Variants in ANO6 observed in about 807,000 individuals in gnomAD.
ANO6 encodes anoctamin-6.
In ANO6, 106 loss-of-function variants were observed where a neutral mutation model predicts 117.5. The observed-to-expected ratio is 0.90, with a 90% CI of 0.77 to 1.06. The LOEUF is 1.06. Among genes scored for constraint, ANO6 ranks in the 50% least tolerant of loss-of-function variants. The pLI, the probability that ANO6 is intolerant of heterozygous loss-of-function variation, is 0.00. For synonymous variants in ANO6, 367 were observed against 385.1 expected, an observed-to-expected ratio of 0.95 and a Z score of 0.55; for missense variants, 955 against 1,121.1, an observed-to-expected ratio of 0.85 and a Z score of 2.12.
At chr12:45,275,396 G>T (rs1192386763) in intron 1 of ANO6, among the ~76,000 whole-genome samples, 1 of 152,018 alleles carries the variant, frequency 6.6e-6, no homozygotes, top group African/African-American at 2.4e-5. Context: ...TTTTAGTAGA[G>T]ATGGGGTTTC....
intron 19 of ANO6, among the ~76,000 whole-genome samples, chr12:45,437,493 C>T (rs1221779299): frequency 6.6e-6 from 1 of 152,062 alleles, no homozygotes; most frequent in African/African-American, 2.4e-5. Flanking sequence ...ATTTCTAATA[C>T]AGTAATTTCT....
chr12:45,262,877 A>C (rs1266066784), intron 1 of ANO6, among the ~76,000 whole-genome samples: 1 of 152,246 alleles, frequency 6.6e-6, no homozygotes, highest in African/African-American at 2.4e-5. Context: ...ATTATAAACT[A>C]TACTTTGTGG....
In ANO6 at chr12:45,421,165, C is replaced by A. The variant is rs780602170; in HGVS notation, c.2312C>A (p.Thr771Asn). The change falls in exon 18 of 20, where the codon ACC becomes AAC. Residue 771 changes from threonine to asparagine, a missense_variant. Physicochemically the swap from Thr to Asn is moderately conservative, Grantham distance 65. Transcript: ENST00000320560. ...VPPYGDHTSY[T>N]MEGYINNTLS... ...CCCTACGGGGACCACACTTCCTACA[C>A]CATGGAAGGGTACATCAACAACACT... 6.2e-7 allele frequency: 1 copy of A among 1,614,128 alleles called. No homozygotes were observed. The highest frequency in any genetic ancestry group is 1.1e-5 in the South Asian group (1 of 91,080).
Position 45,403,216 on chromosome 12 carries a change from G to A in ANO6, c.1757G>A (p.Trp586Ter). Residue 586 changes from tryptophan to a stop codon, truncating the protein, a stop_gained, in exon 14 of 20, where the codon TGG (tryptophan) becomes TAG (stop). Transcript: ENST00000320560. LOFTEE classifies it high-confidence loss of function. ...GGCTATCCAGGAGACCCAGTTTATT[G>A]GTTGGGAAAATACAGAAATGAAGAG... The part of the protein sequence containing the change: ...FVGYPGDPVY[W>*]LGKYRNEECD... 3 of 1,613,862 alleles carry A rather than the reference G, an allele frequency of 1.9e-6. No homozygotes were observed.
chr12:45,233,009 A>T (rs1421726113), intron 1 of ANO6, among the ~76,000 whole-genome samples: 1 of 152,116 alleles, frequency 6.6e-6, no homozygotes, highest in African/African-American at 2.4e-5. Context: ...AGGAAGGGAG[A>T]GGCAGGGAGC....
chr12:45,408,801 G>T (rs905713610), intron 15 of ANO6, among the ~76,000 whole-genome samples: 3 of 152,048 alleles, frequency 2.0e-5, no homozygotes, highest in Admixed American at 2.0e-4. Context: ...CTGCCTCAGG[G>T]TCTCTGTCAT....
rs115363859 is a variant in ANO6 at position 45,292,629 on chromosome 12, G to C, written c.71-9385G>C. Reference sequence around the variant, plus strand: ...ATCAGTAATGTGATAGTTGTTTCCAGCTCTTCCAAAGGACGCATGTTTAAC... The same window carrying C: ...ATCAGTAATGTGATAGTTGTTTCCACCTCTTCCAAAGGACGCATGTTTAAC... On this transcript the variant is annotated intron_variant, in intron 1 of 19. Coordinates refer to ENST00000320560, the MANE Select transcript of ANO6 (RefSeq NM_001025356.3). The C allele has an allele frequency of 2.4e-3, 2,721 of 1,140,978 alleles. 50 individuals are homozygous for C. The African/African-American group carries it at 0.039, about 16-fold the overall frequency. The allele number at this position is 1,140,978 out of a possible 1,614,324, so 70.7% of individuals were successfully genotyped here. A position where few individuals can be genotyped will look rare whatever the true frequency, so the allele number is the denominator to read the frequency against.
intron 12 of ANO6, among the ~76,000 whole-genome samples, chr12:45,399,486 G>A (rs923923708): frequency 5.3e-5 from 8 of 152,096 alleles, no homozygotes; most frequent in East Asian, 3.9e-4. Context: ...GAGCCACCGC[G>A]CCTGGCCGAG....
chr12:45,319,416 G>A (rs1195676574), intron 2 of ANO6, among the ~76,000 whole-genome samples: 2 of 152,074 alleles, frequency 1.3e-5, no homozygotes, highest in Admixed American at 6.6e-5. Context: ...GCTGGATTAC[G>A]TTTATTGATT....
chr12:45,291,817 G>A (rs980872819), intron 1 of ANO6, among the ~76,000 whole-genome samples: 1 of 152,004 alleles, frequency 6.6e-6, no homozygotes, highest in Non-Finnish European at 1.5e-5. Flanking sequence ...ACACAAAATA[G>A]TAAGTGTTGG....
chr12:45,227,363 T>C (rs1250862710), intron 1 of ANO6, among the ~76,000 whole-genome samples: 1 of 152,196 alleles, frequency 6.6e-6, no homozygotes, highest in Non-Finnish European at 1.5e-5. Flanking sequence ...GCTGTTGATA[T>C]AGAGTGTTAA....
At chr12:45,332,209 A>G (rs1226081776) in intron 3 of ANO6, among the ~76,000 whole-genome samples, 1 of 151,966 alleles carries the variant, frequency 6.6e-6, no homozygotes, top group East Asian at 1.9e-4. Context: ...TATATGTGTT[A>G]CTTTCACCCA....
At chr12:45,325,164 C>T (rs542875308) in intron 2 of ANO6, among the ~76,000 whole-genome samples, 1 of 152,296 alleles carries the variant, frequency 6.6e-6, no homozygotes, top group Non-Finnish European at 1.5e-5. Flanking sequence ...TGAAAGTTCA[C>T]TAAATCATAA....
intron 1 of ANO6, among the ~76,000 whole-genome samples, chr12:45,221,183 C>T (rs894946048): frequency 2.6e-5 from 4 of 152,164 alleles, no homozygotes; most frequent in African/African-American, 9.7e-5. Flanking sequence ...TGAACAACTA[C>T]TTGCTTGTCA....
intron 1 of ANO6, among the ~76,000 whole-genome samples, chr12:45,293,964 C>T (rs1939205338): frequency 6.6e-6 from 1 of 152,020 alleles, no homozygotes; most frequent in African/African-American, 2.4e-5. Context: ...ACTAGACATC[C>T]AAATTAGTGC....
intron 1 of ANO6, among the ~76,000 whole-genome samples, chr12:45,264,926 T>C (rs908707039): frequency 6.6e-6 from 1 of 152,164 alleles, no homozygotes; most frequent in African/African-American, 2.4e-5. Flanking sequence ...AATTGTGCAG[T>C]TGGAAAAATC....
intron 1 of ANO6, among the ~76,000 whole-genome samples, chr12:45,244,779 C>T (rs999861236): frequency 2.6e-5 from 4 of 152,136 alleles, no homozygotes; most frequent in Non-Finnish European, 5.9e-5. Context: ...ACTACAGTGG[C>T]TTCCCTTGGG....
At chr12:45,290,719 AT>A (rs1254530672) in intron 1 of ANO6, among the ~76,000 whole-genome samples, 1 of 152,242 alleles carries the variant, frequency 6.6e-6, no homozygotes. Context: ...TCAGCTATCT[AT>A]TTTTAATGGT....
At chr12:45,403,293 A>C (rs761686346) in intron 14 of ANO6, 52 bp downstream of exon 14, 3 of 1,586,544 alleles carry the variant, frequency 1.9e-6, no homozygotes, top group African/African-American at 2.7e-5. Context: ...GTTTTCTCTC[A>C]GTTGCCCAAA....
Sources: allele counts gnomAD v4.1 joint callset (sites outside exome capture counted in the v4.1 genomes callset), GRCh38; gene constraint gnomAD v4.1.1; transcripts MANE v1.5; gene names NCBI Gene and HGNC (gene_info 2026-07-23, HGNC 2026-07-21).